FKTN: variants seen among roughly 807,000 people sequenced by gnomAD.
FKTN encodes ribitol-5-phosphate transferase FKTN.
Under a neutral mutation model 58.6 loss-of-function variants are expected in FKTN, and 47 were observed. The observed-to-expected ratio is 0.80, with a 90% CI of 0.63 to 1.02. FKTN has a LOEUF of 1.02. FKTN is among the 50% of genes least tolerant of loss of function. The probability of loss-of-function intolerance (pLI) is 0.00; values close to 1 mark genes in which losing one functional copy is unlikely to be tolerated. For missense variants in FKTN, 516 were observed against 537.3 expected (o/e 0.96, Z 0.39); for synonymous variants, 178 against 191.9 (o/e 0.93, Z 0.60).
intron 3 of FKTN, among the ~76,000 whole-genome samples, chr9:105,589,247 CA>C (rs1322574946): frequency 6.6e-6 from 1 of 152,124 alleles, no homozygotes; most frequent in Non-Finnish European, 1.5e-5. Context: ...CTTGTAATCC[CA>C]GCATTTTTGG....
At chr9:105,585,493 G>C (rs1019649446) in intron 3 of FKTN, among the ~76,000 whole-genome samples, 2 of 152,190 alleles carry the variant, frequency 1.3e-5, no homozygotes, top group Non-Finnish European at 2.9e-5. Context: ...AGATGCTAAA[G>C]ATACCAACTT....
At chr9:105,608,228 G>T (rs1349476880) in intron 7 of FKTN, among the ~76,000 whole-genome samples, 2 of 152,160 alleles carry the variant, frequency 1.3e-5, no homozygotes, top group Non-Finnish European at 2.9e-5. Context: ...TCTGCCTTAA[G>T]ATAGCCCATT....
At chr9:105,624,077 A>G (rs1482383447) in intron 10 of FKTN, among the ~76,000 whole-genome samples, 2 of 152,222 alleles carry the variant, frequency 1.3e-5, no homozygotes, top group Non-Finnish European at 2.9e-5. Flanking sequence ...GTCAAAAGAT[A>G]TGAGCCTTTT....
intron 1 of FKTN, among the ~76,000 whole-genome samples, chr9:105,558,636 G>GAA (rs562757053): frequency 2.2e-5 from 3 of 133,402 alleles, no homozygotes; most frequent in Non-Finnish European, 1.6e-5. Flanking sequence ...GTCAGATGTG[G>GAA]AAAAAAAAAA....
In FKTN at chr9:105,627,527, A is replaced by C. The variant is rs78015847; in HGVS notation, c.1172+7466A>C. ...CTACCAATGTGCTTTTTCTGTTCTA[A>C]GATCTAATCCAGGATACCACATTGC... On this transcript the variant is annotated intron_variant, in intron 10 of 10. Transcript: ENST00000357998. Among the ~76,000 whole-genome samples the C allele has an allele frequency of 2.1e-3, 318 of 152,236 alleles. 1 individual carries two copies. Among genetic ancestry groups the C allele is most frequent in the Non-Finnish European group, 3.3e-3 (227 of 68,014 alleles).
chr9:105,639,024 T>G lies in FKTN; in HGVS notation c.*3760T>G. ...ACTTATGGCTACATATTTTTCTAAG[T>G]TTCCCCCCTAGTTTCACTTTCTGGA... On this transcript the variant is annotated 3_prime_UTR_variant, in exon 11 of 11. Transcript: ENST00000357998. The G allele has an allele frequency of 2.0e-6, 2 of 985,346 alleles. No homozygotes were observed. Among genetic ancestry groups the G allele is most frequent in the African/African-American group, 1.7e-5 (1 of 57,348 alleles). The allele number at this position is 985,346 out of a possible 1,614,324, so 61.0% of individuals were successfully genotyped here.
At chr9:105,581,711 G>A (rs992470958) in intron 3 of FKTN, among the ~76,000 whole-genome samples, 30 of 152,286 alleles carry the variant, frequency 2.0e-4, no homozygotes, top group Admixed American at 3.9e-4. Context: ...CGAGCTTCCC[G>A]GCTGCTTTGT....
At chr9:105,573,327 A>G (rs1473345793) in intron 1 of FKTN, among the ~76,000 whole-genome samples, 2 of 152,216 alleles carry the variant, frequency 1.3e-5, no homozygotes, top group African/African-American at 4.8e-5. Flanking sequence ...CTGCAAAGAA[A>G]AGACATCTTT....
At chr9:105,600,567 A>T (rs1485955738) in intron 4 of FKTN, among the ~76,000 whole-genome samples, 1 of 152,116 alleles carries the variant, frequency 6.6e-6, no homozygotes, top group African/African-American at 2.4e-5. Flanking sequence ...ATATTGCAGT[A>T]TTAGAAAAGC....
intron 6 of FKTN, among the ~76,000 whole-genome samples, chr9:105,605,148 TTC>T (rs1828661218): frequency 6.6e-6 from 1 of 151,890 alleles, no homozygotes; most frequent in East Asian, 1.9e-4. Context: ...ATTCAAAAGT[TTC>T]TTTTATTCAT....
In FKTN at chr9:105,566,485, C is replaced by T. The variant is rs148014905; in HGVS notation, c.-180-7170C>T. 5.3e-3 allele frequency among the ~76,000 whole-genome samples: 810 copies of T among 151,836 alleles called. 6 individuals are homozygous for T. Among genetic ancestry groups the T allele is most frequent in the African/African-American group, 0.018 (745 of 41,266 alleles). ...AAGGGGATATCACCACCGATCCCAC[C>T]GAAATACAAACTACCATCAGAGAAT... On this transcript the variant is annotated intron_variant, in intron 1 of 10. Coordinates refer to ENST00000357998, the MANE Select transcript of FKTN (RefSeq NM_001079802.2).
At chr9:105,569,174 G>C (rs1243254982) in intron 1 of FKTN, among the ~76,000 whole-genome samples, 1 of 152,042 alleles carries the variant, frequency 6.6e-6, no homozygotes, top group Admixed American at 6.5e-5. Flanking sequence ...AGCATTGGTA[G>C]ATATACCTAA....
chr9:105,592,136 C>T (rs2518125), intron 3 of FKTN, among the ~76,000 whole-genome samples: 82 of 152,322 alleles, frequency 5.4e-4, no homozygotes, highest in African/African-American at 1.4e-3. Flanking sequence ...ATTTTCTTGG[C>T]GAATGCAAAT....
chr9:105,609,201 CCAAA>C (rs1167411988), intron 7 of FKTN, among the ~76,000 whole-genome samples: 2 of 152,096 alleles, frequency 1.3e-5, no homozygotes, highest in African/African-American at 2.4e-5. Context: ...CTTGATGGCG[CCAAA>C]CAGTCTTAAA....
At chr9:105,560,218 T>C (rs144230208) in intron 1 of FKTN, among the ~76,000 whole-genome samples, 4 of 152,358 alleles carry the variant, frequency 2.6e-5, no homozygotes, top group African/African-American at 9.6e-5. Flanking sequence ...ACATTGTTCT[T>C]ATCCTCCCTG....
intron 3 of FKTN, among the ~76,000 whole-genome samples, chr9:105,582,252 C>T (rs574271729): frequency 1.4e-5 from 2 of 143,586 alleles, no homozygotes; most frequent in Admixed American, 7.2e-5. Flanking sequence ...AGTACAGTGG[C>T]ATAATCATAG....
intron 7 of FKTN, among the ~76,000 whole-genome samples, chr9:105,613,069 A>G (rs1317237723): frequency 6.6e-6 from 1 of 152,212 alleles, no homozygotes; most frequent in Non-Finnish European, 1.5e-5. Flanking sequence ...GCAGGTAACT[A>G]TCAGACCTGA....
At chr9:105,615,175 T>TA in intron 7 of FKTN, 103 bp from the exon 8 acceptor site, 1 of 1,279,902 alleles carries the variant, frequency 7.8e-7, no homozygotes, top group Non-Finnish European at 1.1e-6. Flanking sequence ...TGAGCCACTG[T>TA]GCCCAGCCTG....
At position 105,636,370 on chromosome 9, in the gene FKTN, G is replaced by A. The variant is rs1834034778; in HGVS notation, c.*1106G>A. 18 of 985,260 alleles carry A rather than the reference G, an allele frequency of 1.8e-5. No individual in the cohort carries two copies. The highest frequency in any genetic ancestry group is 2.2e-5 in the Non-Finnish European group (18 of 829,730). 61.0% of individuals were successfully genotyped at this position (985,260 alleles called of 1,614,324 possible). A position where few individuals can be genotyped will look rare whatever the true frequency, so the allele number is the denominator to read the frequency against. Reference sequence around the variant, plus strand: ...TTCTAATATATCAGATCTCCAAAATGGAAGCTAAATGGTGGACTTGACAAC... The same window carrying A: ...TTCTAATATATCAGATCTCCAAAATAGAAGCTAAATGGTGGACTTGACAAC... On this transcript the variant is annotated 3_prime_UTR_variant, in exon 11 of 11. Transcript: ENST00000357998.
Sources: allele counts gnomAD v4.1 joint callset (sites outside exome capture counted in the v4.1 genomes callset), GRCh38; gene constraint gnomAD v4.1.1; transcripts MANE v1.5; gene names NCBI Gene and HGNC (gene_info 2026-07-23, HGNC 2026-07-21).